HTR4: variants seen among roughly 807,000 people sequenced by gnomAD.
The protein encoded by HTR4 is 5-hydroxytryptamine receptor 4.
HTR4 carries 16 observed loss-of-function variants against 36.8 expected under a neutral mutation model. That is an observed-to-expected ratio of 0.43 (90% CI 0.29 to 0.66). The LOEUF is 0.66. Ranked by LOEUF, HTR4 falls within the 30% of genes least tolerant of loss-of-function variation. HTR4 has a pLI of 0.13. For synonymous variants in HTR4, 189 were observed against 185.1 expected (o/e 1.02, Z -0.17); for missense variants, 438 against 490.9 (o/e 0.89, Z 1.02).
chr5:148,557,306 A>G (rs149081121), intron 2 of HTR4, among the ~76,000 whole-genome samples: 1 of 152,166 alleles, frequency 6.6e-6, no homozygotes, highest in Non-Finnish European at 1.5e-5. Context: ...GGGAGTAAAG[A>G]GATAGATAAC....
In HTR4 at chr5:148,523,162, G is replaced by A. The variant is rs562420026; in HGVS notation, c.507+31C>T. 9 of 1,590,440 alleles carry A rather than the reference G, an allele frequency of 5.7e-6. No homozygotes were observed. In the South Asian group the frequency reaches 5.7e-5, roughly 10 times the overall value. ...AACCCCATGCAAAGTTGATCAGACA[G>A]TAAACCAGTGAGGTCTGTGTGGATA... On this transcript the variant is annotated intron_variant, in intron 5 of 6. Transcript: ENST00000377888.
chr5:148,496,107 A>T (rs978073581), intron 6 of HTR4, among the ~76,000 whole-genome samples: 7 of 152,162 alleles, frequency 4.6e-5, no homozygotes, highest in Admixed American at 3.3e-4. Flanking sequence ...CTCAAAAAAA[A>T]TTTTATAAGA....
intron 1 of HTR4, among the ~76,000 whole-genome samples, chr5:148,637,472 A>G (rs1356292145): frequency 1.3e-5 from 2 of 152,190 alleles, no homozygotes; most frequent in Non-Finnish European, 2.9e-5. Flanking sequence ...AAATGTTTAA[A>G]TCATTTTAAG....
chr5:148,574,703 C>G (rs2113887394), intron 2 of HTR4, among the ~76,000 whole-genome samples: 1 of 152,192 alleles, frequency 6.6e-6, no homozygotes, highest in South Asian at 2.1e-4. Context: ...CCACTACTTG[C>G]TGGGGCTGGT....
chr5:148,609,546 T>A (rs1306432742), intron 2 of HTR4, among the ~76,000 whole-genome samples: 1 of 152,012 alleles, frequency 6.6e-6, no homozygotes, highest in East Asian at 1.9e-4. Flanking sequence ...GCCCCACTTT[T>A]GTATAATGTG....
intron 5 of HTR4, among the ~76,000 whole-genome samples, chr5:148,459,757 A>C (rs1432444106): frequency 2.0e-5 from 3 of 152,122 alleles, no homozygotes; most frequent in South Asian, 2.1e-4. Flanking sequence ...CCAAACCAAA[A>C]CAAACAAACA....
At chr5:148,576,910 G>T (rs1760944551) in intron 2 of HTR4, among the ~76,000 whole-genome samples, 1 of 152,080 alleles carries the variant, frequency 6.6e-6, no homozygotes, top group Non-Finnish European at 1.5e-5. Flanking sequence ...AAAGGAATGG[G>T]CAAAGATTTC....
rs535353204 is a variant in HTR4 at position 148,603,814 on chromosome 5, G to A, written c.26+33175C>T. Among the ~76,000 whole-genome samples the A allele has an allele frequency of 5.2e-3, 798 of 152,152 alleles. 10 individuals carry two copies. Among genetic ancestry groups the A allele is most frequent in the Non-Finnish European group, 4.9e-3 (330 of 67,922 alleles). On this transcript the variant is annotated intron_variant, in intron 2 of 6. Coordinates refer to ENST00000377888, the MANE Select transcript of HTR4 (RefSeq NM_000870.7). Reference sequence around the variant, plus strand: ...AAATGTCCTAAACTACAGGAAATAAGATAGGGTGATATTGGTATAAGAGTT... The same window carrying A: ...AAATGTCCTAAACTACAGGAAATAAAATAGGGTGATATTGGTATAAGAGTT...
At chr5:148,576,942 C>T (rs1037491871) in intron 2 of HTR4, among the ~76,000 whole-genome samples, 1 of 151,942 alleles carries the variant, frequency 6.6e-6, no homozygotes, top group Non-Finnish European at 1.5e-5. Flanking sequence ...CAAAAGCAAA[C>T]ACAACAAAAG....
At chr5:148,603,864 A>T (rs1581532763) in intron 2 of HTR4, among the ~76,000 whole-genome samples, 1 of 152,222 alleles carries the variant, frequency 6.6e-6, no homozygotes, top group East Asian at 1.9e-4. Flanking sequence ...AGGGACAAAT[A>T]GGATTTGGAA....
intron 5 of HTR4, chr5:148,465,991 A>C: frequency 6.3e-7 from 1 of 1,579,946 alleles, no homozygotes. Flanking sequence ...GAAAGAAAAA[A>C]GAAAAAAAAA....
intron 5 of HTR4, among the ~76,000 whole-genome samples, chr5:148,515,877 G>C (rs556334376): frequency 4.4e-4 from 67 of 151,582 alleles, no homozygotes; most frequent in African/African-American, 1.5e-3. Context: ...AAAATTCTTA[G>C]GCACTATTTC....
intron 2 of HTR4, among the ~76,000 whole-genome samples, chr5:148,610,803 T>C (rs1752393142): frequency 7.8e-5 from 11 of 141,694 alleles, no homozygotes; most frequent in African/African-American, 3.0e-4. Flanking sequence ...AATGTATAAC[T>C]AGAATAACCA....
chr5:148,617,430 C>T (rs1360107308), intron 2 of HTR4, among the ~76,000 whole-genome samples: 1 of 151,986 alleles, frequency 6.6e-6, no homozygotes, highest in East Asian at 1.9e-4. Context: ...CTAACACACA[C>T]TTCTTATAAT....
At chr5:148,597,091 C>G (rs1313824087) in intron 2 of HTR4, among the ~76,000 whole-genome samples, 4 of 152,282 alleles carry the variant, frequency 2.6e-5, no homozygotes, top group African/African-American at 7.2e-5. Flanking sequence ...CAGATGCTGG[C>G]TTTATTCAGC....
At chr5:148,577,934 T>C (rs1337642874) in intron 2 of HTR4, among the ~76,000 whole-genome samples, 3 of 152,002 alleles carry the variant, frequency 2.0e-5, no homozygotes, top group South Asian at 4.1e-4. Flanking sequence ...AGTTTACCTA[T>C]GTAACAAACC....
At chr5:148,486,123 G>A (rs775688511) in intron 6 of HTR4, among the ~76,000 whole-genome samples, 7 of 152,124 alleles carry the variant, frequency 4.6e-5, no homozygotes, top group African/African-American at 7.2e-5. Flanking sequence ...GACTCACAAC[G>A]TCTCTCTCTC....
At position 148,600,976 on chromosome 5, in the gene HTR4, C is replaced by CAAAAAAAAAAAAAAAAAAAAAAAAAAAAA. The variant is rs58003522; in HGVS notation, c.26+36012_26+36013insTTTTTTTTTTTTTTTTTTTTTTTTTTTTT. Among the ~76,000 whole-genome samples the CAAAAAAAAAAAAAAAAAAAAAAAAAAAAA allele has an allele frequency of 1.5e-4, 2 of 13,548 alleles. 1 individual carries two copies. Among genetic ancestry groups the CAAAAAAAAAAAAAAAAAAAAAAAAAAAAA allele is most frequent in the Non-Finnish European group, 2.6e-4 (2 of 7,712 alleles). 8.9% of individuals were successfully genotyped at this position (13,548 alleles called of 152,430 possible). A position where few individuals can be genotyped will look rare whatever the true frequency, so the allele number is the denominator to read the frequency against. ...ATGAGGAACTCCCACAACTCAATAG[C>CAAAAAAAAAAAAAAAAAAAAAAAAAAAAA]AAAAAAAAAAAAAAAAAAAAAAAAA... is the stretch of plus-strand genomic sequence containing the variant. On this transcript the variant is annotated intron_variant, in intron 2 of 6. Coordinates refer to ENST00000377888, the MANE Select transcript of HTR4 (RefSeq NM_000870.7).
At chr5:148,587,039 A>C (rs1561635536) in intron 2 of HTR4, among the ~76,000 whole-genome samples, 1 of 152,118 alleles carries the variant, frequency 6.6e-6, no homozygotes. Context: ...GACACTCTCC[A>C]GCTCCCCTGA....
Sources: gnomAD v4.1 joint callset for allele counts (sites outside exome capture counted in the v4.1 genomes callset) on GRCh38, gnomAD v4.1.1 for gene constraint, MANE v1.5 for transcripts, NCBI Gene and HGNC (gene_info 2026-07-23, HGNC 2026-07-21) for gene names.